The following SBNO2 variants were observed in gnomAD, a reference collection of about 807,000 sequenced individuals.
The protein encoded by SBNO2 is strawberry notch homolog 2.
A neutral mutation model predicts 146.3 loss-of-function variants in SBNO2; 89 were observed. That is an observed-to-expected ratio of 0.61 (90% CI 0.51 to 0.73). The LOEUF is 0.73. SBNO2 is among the 30% of genes least tolerant of loss of function. SBNO2 has a pLI of 0.00. For missense variants in SBNO2, 2,092 were observed against 2,003.7 expected, an observed-to-expected ratio of 1.04 and a Z score of -0.84; for synonymous variants, 1,147 against 892.6, an observed-to-expected ratio of 1.29 and a Z score of -5.08.
rs1475743053 is a variant in SBNO2 at position 1,174,173 on chromosome 19, T to TCGGGCC, written c.-134_-129dup. 1 of 151,546 alleles carries TCGGGCC rather than the reference T, an allele frequency of 6.6e-6. No individual in the cohort carries two copies. Among genetic ancestry groups the TCGGGCC allele is most frequent in the Non-Finnish European group, 1.5e-5 (1 of 67,840 alleles). 9.4% of individuals were successfully genotyped at this position (151,546 alleles called of 1,614,324 possible). A position where few individuals can be genotyped will look rare whatever the true frequency, so the allele number is the denominator to read the frequency against. On this transcript the variant is annotated splice_region_variant and 5_prime_UTR_variant, in exon 1 of 32. Coordinates refer to ENST00000361757, the MANE Select transcript of SBNO2 (RefSeq NM_014963.3). ...CGGGGGTCGCAACCAGAGCCTCACCTCGGGCCCGGGTCCGGCCGGGCGCGG... is the reference window on the plus strand; with the variant it reads ...CGGGGGTCGCAACCAGAGCCTCACCTCGGGCCCGGGCCCGGGTCCGGCCGGGCGCGG...
At chr19:1,115,163 C>T (rs1023209970) in intron 17 of SBNO2, among the ~76,000 whole-genome samples, 10 of 152,092 alleles carry the variant, frequency 6.6e-5, no homozygotes, top group African/African-American at 2.2e-4. Flanking sequence ...CTCCTGGCCT[C>T]AGGTGATTTG....
intron 1 of SBNO2, among the ~76,000 whole-genome samples, chr19:1,172,193 A>G (rs971027907): frequency 2.6e-5 from 4 of 152,118 alleles, no homozygotes; most frequent in African/African-American, 9.7e-5. Flanking sequence ...GCGCCTTCCA[A>G]GTCCTTCCCT....
chr19:1,109,103 C>T lies in SBNO2; in HGVS notation c.3425+32G>A, dbSNP rs577424060. The T allele has an allele frequency of 2.7e-5, 41 of 1,545,142 alleles. 1 individual carries two copies. In the African/African-American group the frequency reaches 5.2e-4, roughly 20 times the overall value. ...CCCCGCCTGGGTCGCCGCCATCTGC[C>T]GGTTTCCCCCTGGTCCCCGGCCCGC... On this transcript the variant is annotated intron_variant, in intron 30 of 31. Transcript: ENST00000361757. The surrounding 1 kb of genome is among the most constrained non-coding windows in gnomAD (Gnocchi z 4.2).
In SBNO2 at chr19:1,150,459, G is replaced by C. The variant is rs2080232093; in HGVS notation, c.94-1017C>G. On this transcript the variant is annotated intron_variant, in intron 2 of 31. Coordinates refer to ENST00000361757, the MANE Select transcript of SBNO2 (RefSeq NM_014963.3). This position sits in a 1 kb window ranked among gnomAD's most constrained non-coding sequence, Gnocchi z 6.2. Reference sequence around the variant, plus strand: ...CGTCACAGACGCCCCCACAGTCACGGGGGAGACCCTGCCGTCACGGATGCC... The same window carrying C: ...CGTCACAGACGCCCCCACAGTCACGCGGGAGACCCTGCCGTCACGGATGCC... Among the ~76,000 whole-genome samples, 1 of 151,426 alleles carries C rather than the reference G, an allele frequency of 6.6e-6. No individual in the cohort carries two copies. Among genetic ancestry groups the C allele is most frequent in the Middle Eastern group, 3.4e-3 (1 of 294 alleles).
rs1256403004 is a variant in SBNO2 at position 1,114,387 on chromosome 19, G to A, written c.1921C>T (p.Leu641=). 8 of 1,550,966 alleles carry A rather than the reference G, an allele frequency of 5.2e-6. No individual in the cohort carries two copies. The South Asian group carries it at 7.1e-5, about 14-fold the overall frequency. The part of the protein sequence containing the change: ...PRGRGAKAPR[L]ACETAGVIRI... ...ATGACGCCCGCTGTCTCGCACGCCA[G>A]CCGGGGGGCTTTGGCCCCGCGTCCC... The change falls in exon 18 of 32, where the codon CTG becomes TTG. Residue 641 remains leucine (L), a synonymous_variant. Transcript: ENST00000361757.
At chr19:1,141,497 G>C (rs2080136906) in intron 4 of SBNO2, among the ~76,000 whole-genome samples, 2 of 152,204 alleles carry the variant, frequency 1.3e-5, no homozygotes, top group South Asian at 4.1e-4. Flanking sequence ...TTACAAGCTT[G>C]AGCACTGCGC....
chr19:1,133,181 C>T (rs943859300), intron 4 of SBNO2, among the ~76,000 whole-genome samples: 2 of 152,166 alleles, frequency 1.3e-5, no homozygotes, highest in African/African-American at 4.8e-5. Flanking sequence ...CCCCATCTGC[C>T]TGTACTCAGC....
chr19:1,110,480 C>A lies in SBNO2; in HGVS notation c.3028+265G>T, dbSNP rs1480313319. ...ACCCTCGCTCACCCAGGATGCATGG[C>A]GCTTCCACGAGCCCCTTGCCCACCT... On this transcript the variant is annotated intron_variant, in intron 26 of 31. Coordinates refer to ENST00000361757, the MANE Select transcript of SBNO2 (RefSeq NM_014963.3). This position sits in a 1 kb window ranked among gnomAD's most constrained non-coding sequence, Gnocchi z 4.9. 1.3e-5 allele frequency among the ~76,000 whole-genome samples: 2 copies of A among 151,600 alleles called. No individual in the cohort carries two copies. The highest frequency in any genetic ancestry group is 4.9e-5 in the African/African-American group (2 of 41,202).
intron 1 of SBNO2, among the ~76,000 whole-genome samples, chr19:1,162,724 C>G (rs915111834): frequency 1.3e-5 from 2 of 152,210 alleles, no homozygotes; most frequent in African/African-American, 4.8e-5. Context: ...CAGAGCTGGT[C>G]TAGCCCCTCA....
chr19:1,172,034 C>T (rs1309206834), intron 1 of SBNO2, among the ~76,000 whole-genome samples: 1 of 152,176 alleles, frequency 6.6e-6, no homozygotes, highest in Non-Finnish European at 1.5e-5. Flanking sequence ...GGCTCCCTCC[C>T]CCTGAAGTCC....
rs918702414 is a variant in SBNO2 at position 1,144,773 on chromosome 19, G to A, written c.279+2536C>T. Among the ~76,000 whole-genome samples the A allele has an allele frequency of 3.3e-5, 5 of 151,470 alleles. No individual in the cohort carries two copies. Among genetic ancestry groups the A allele is most frequent in the African/African-American group, 1.2e-4 (5 of 41,174 alleles). ...AGAGGGAGACAGAGAGACAGAGGCAGAGACAAAGAGACAGAGACAGAGAGG... is the reference window on the plus strand; with the variant it reads ...AGAGGGAGACAGAGAGACAGAGGCAAAGACAAAGAGACAGAGACAGAGAGG... On this transcript the variant is annotated intron_variant, in intron 4 of 31. Coordinates refer to ENST00000361757, the MANE Select transcript of SBNO2 (RefSeq NM_014963.3). The surrounding 1 kb of genome is among the most constrained non-coding windows in gnomAD (Gnocchi z 4.1).
chr19:1,122,043 CCT>C (rs781642379), intron 11 of SBNO2, 94 bp downstream of exon 11: 15 of 920,000 alleles, frequency 1.6e-5, no homozygotes, highest in African/African-American at 8.8e-5. Flanking sequence ...CCTCCTCTCC[CCT>C]GACTCCCACC....
intron 4 of SBNO2, among the ~76,000 whole-genome samples, chr19:1,138,896 T>C (rs903358193): frequency 7.0e-6 from 1 of 142,778 alleles, no homozygotes; most frequent in African/African-American, 2.7e-5. Flanking sequence ...ACAGACACAG[T>C]GGGTCCTCCA....
In SBNO2 at chr19:1,136,881, G is replaced by C. The variant is rs2080089197; in HGVS notation, c.280-9116C>G. ...AGGCAGAGAGTGTTGTTACCGGACA[G>C]CTGCGTTCCCAATGGTCCCTGCAGC... is the stretch of plus-strand genomic sequence containing the variant. On this transcript the variant is annotated intron_variant, in intron 4 of 31. Transcript: ENST00000361757. This position sits in a 1 kb window ranked among gnomAD's most constrained non-coding sequence, Gnocchi z 4.2. Among the ~76,000 whole-genome samples, 1 of 152,036 alleles carries C rather than the reference G, an allele frequency of 6.6e-6. No individual in the cohort carries two copies. Among genetic ancestry groups the C allele is most frequent in the Non-Finnish European group, 1.5e-5 (1 of 68,000 alleles).
chr19:1,127,324 G>A (rs910210499), intron 5 of SBNO2, among the ~76,000 whole-genome samples: 1 of 152,206 alleles, frequency 6.6e-6, no homozygotes. Flanking sequence ...GGCACTGCAG[G>A]GCGCTGGGCA....
chr19:1,112,609 C>T lies in SBNO2; in HGVS notation c.2380-72G>A. 1 of 1,492,268 alleles carries T rather than the reference C, an allele frequency of 6.7e-7. No homozygotes were observed. Among genetic ancestry groups the T allele is most frequent in the Non-Finnish European group, 8.9e-7 (1 of 1,123,356 alleles). 92.4% of individuals were successfully genotyped at this position (1,492,268 alleles called of 1,614,324 possible). On this transcript the variant is annotated intron_variant, in intron 20 of 31. Coordinates refer to ENST00000361757, the MANE Select transcript of SBNO2 (RefSeq NM_014963.3). This position sits in a 1 kb window ranked among gnomAD's most constrained non-coding sequence, Gnocchi z 5.9. ...CCAGCGTTGCCGCCACCTCCTCACC[C>T]ACTAGGCCCCCGCTCCAGGTCACCA...
rs1429521181 is a variant in SBNO2 at position 1,149,390 on chromosome 19, G to A, written c.146C>T (p.Pro49Leu). The A allele has an allele frequency of 1.3e-6, 2 of 1,552,576 alleles. No homozygotes were observed. The highest frequency in any genetic ancestry group is 1.7e-6 in the Non-Finnish European group (2 of 1,148,274). Residue 49 changes from proline (P) to leucine (L), a missense_variant, in exon 3 of 32, where the codon CCT (proline) becomes CTT (leucine). Physicochemically the swap from Pro to Leu is moderately conservative, Grantham distance 98. Transcript: ENST00000361757. The part of the protein sequence containing the change: ...YWNTFSLPPY[P>L]AFSSDSRPFM... ...TCACCGGCTGTCGCTGGAGAAGGCA[G>A]GGTATGGCGGCAGCGAGAAGGTGTT...
Position 1,109,775 on chromosome 19 carries a change from G to C in SBNO2, c.3031C>G (p.Leu1011Val). 2 of 1,583,730 alleles carry C rather than the reference G, an allele frequency of 1.3e-6. No individual in the cohort carries two copies. The highest frequency in any genetic ancestry group is 1.3e-5 in the African/African-American group (1 of 74,502). The change falls in exon 27 of 32, where the codon CTT (leucine) becomes GTT (valine). Residue 1011 changes from leucine (L) to valine (V), a missense_variant and splice_region_variant. Leu to Val is a conservative substitution (Grantham distance 32). Coordinates refer to ENST00000361757, the MANE Select transcript of SBNO2 (RefSeq NM_014963.3). This position sits in a 1 kb window ranked among gnomAD's most constrained non-coding sequence, Gnocchi z 4.2. Reference protein sequence around the residue: ...EGKYDMGILDLAPGIEEIYEE... With the variant: ...EGKYDMGILDVAPGIEEIYEE... ...TAGATCTCCTCGATACCGGGAGCAA[G>C]GTCTAGGGGGGCGGGTGGAGGGTAA...
Position 1,113,710 on chromosome 19 carries a change from G to C in SBNO2, c.2078-6C>G. 6.5e-7 allele frequency: 1 copy of C among 1,532,120 alleles called. No homozygotes were observed. The highest frequency in any genetic ancestry group is 2.6e-5 in the East Asian group (1 of 39,134). 94.9% of individuals were successfully genotyped at this position (1,532,120 alleles called of 1,614,324 possible). Reference sequence around the variant, plus strand: ...CTGCAGGAGGCACAGGGGTCCTAGGGAGGAGGTGGAGGGTCAGGGCAGGAC... The same window carrying C: ...CTGCAGGAGGCACAGGGGTCCTAGGCAGGAGGTGGAGGGTCAGGGCAGGAC... On this transcript the variant is annotated splice_polypyrimidine_tract_variant and splice_region_variant and intron_variant, in intron 18 of 31. Coordinates refer to ENST00000361757, the MANE Select transcript of SBNO2 (RefSeq NM_014963.3).
Sources: allele counts gnomAD v4.1 joint callset (sites outside exome capture counted in the v4.1 genomes callset), GRCh38; gene constraint gnomAD v4.1.1; non-coding constraint Gnocchi (gnomAD v3.1); transcripts MANE v1.5; gene names NCBI Gene and HGNC (gene_info 2026-07-23, HGNC 2026-07-21).